SOS1: variants seen among roughly 807,000 people sequenced by gnomAD.
The protein encoded by SOS1 is son of sevenless homolog 1.
In SOS1, 25 loss-of-function variants were observed where a neutral mutation model predicts 157.6. The ratio of observed to expected loss-of-function variants is 0.16; its 90% CI spans 0.12 to 0.22. The LOEUF (loss-of-function observed/expected upper bound fraction) is 0.22. SOS1 is among the 10% of genes least tolerant of loss of function. The pLI is 1.00. For synonymous variants in SOS1, 528 were observed against 534.0 expected, an observed-to-expected ratio of 0.99 and a Z score of 0.16; for missense variants, 1,237 against 1,599.1, an observed-to-expected ratio of 0.77 and a Z score of 3.86.
upstream of SOS1, among the ~76,000 whole-genome samples, chr2:39,122,766 G>C (rs1210861805): frequency 6.6e-6 from 1 of 151,762 alleles, no homozygotes; most frequent in Non-Finnish European, 1.5e-5. Context: ...GGCTGGTCTC[G>C]AACTCCTGAC....
intron 1 of SOS1, among the ~76,000 whole-genome samples, chr2:39,083,309 C>A (rs561642731): frequency 6.6e-6 from 1 of 152,026 alleles, no homozygotes; most frequent in South Asian, 2.1e-4. Context: ...GCACCTACAT[C>A]CAAGCAGCAA....
At chr2:39,098,844 GTGCC>G (rs1672865358) in intron 1 of SOS1, among the ~76,000 whole-genome samples, 1 of 152,100 alleles carries the variant, frequency 6.6e-6, no homozygotes, top group Non-Finnish European at 1.5e-5. Flanking sequence ...AGCCAAGATT[GTGCC>G]ACTGCACTCC....
chr2:39,120,045 C>A (rs1673806145), intron 1 of SOS1, among the ~76,000 whole-genome samples: 1 of 152,328 alleles, frequency 6.6e-6, no homozygotes. Flanking sequence ...AAAACTGAGG[C>A]TCCTCCAACT....
intron 1 of SOS1, among the ~76,000 whole-genome samples, chr2:39,098,914 A>G (rs1465742585): frequency 6.6e-6 from 1 of 152,172 alleles, no homozygotes; most frequent in Admixed American, 6.5e-5. Context: ...TTACAACTCA[A>G]CAGTAAAAAG....
chr2:39,091,905 C>T (rs1353717427), intron 1 of SOS1, among the ~76,000 whole-genome samples: 2 of 152,202 alleles, frequency 1.3e-5, no homozygotes, highest in Non-Finnish European at 2.9e-5. Flanking sequence ...ATGGACACAA[C>T]ATAGCCCAAT....
rs182092121 is a variant in SOS1 at position 39,069,596 on chromosome 2, G to A, written c.88-1843C>T. Among the ~76,000 whole-genome samples, 243 of 152,166 alleles carry A rather than the reference G, an allele frequency of 1.6e-3. 2 individuals carry two copies. Among genetic ancestry groups the A allele is most frequent in the African/African-American group, 5.3e-3 (221 of 41,526 alleles). On this transcript the variant is annotated intron_variant, in intron 1 of 22. Coordinates refer to ENST00000402219, the MANE Select transcript of SOS1 (RefSeq NM_005633.4). ...AGGGTCTCACCCTGTCACCCAGGCT[G>A]GAGTGCAGTGGTGTGATCTCGGCTC...
chr2:39,091,072 T>C lies in SOS1; in HGVS notation c.88-23319A>G, dbSNP rs143223132. On this transcript the variant is annotated intron_variant, in intron 1 of 22. Transcript: ENST00000402219. Reference sequence around the variant, plus strand: ...TTAGTAGAGACGGGGTTTCACCATATTGGTCAGGCTGGTCTCAAACCCCTG... The same window carrying C: ...TTAGTAGAGACGGGGTTTCACCATACTGGTCAGGCTGGTCTCAAACCCCTG... Among the ~76,000 whole-genome samples, 548 of 152,292 alleles carry C rather than the reference T, an allele frequency of 3.6e-3. 5 individuals carry two copies. The highest frequency in any genetic ancestry group is 0.012 in the African/African-American group (515 of 41,560).
chr2:39,058,319 C>T (rs1016027390), intron 3 of SOS1, among the ~76,000 whole-genome samples: 1 of 151,952 alleles, frequency 6.6e-6, no homozygotes, highest in African/African-American at 2.4e-5. Flanking sequence ...AAAGTACTAA[C>T]ATCAAAAGGA....
chr2:39,091,885 G>T (rs1283848805), intron 1 of SOS1, among the ~76,000 whole-genome samples: 1 of 152,070 alleles, frequency 6.6e-6, no homozygotes, highest in East Asian at 1.9e-4. Flanking sequence ...TCTCCTAATG[G>T]TTTACTCCAA....
chr2:39,041,446 T>C (rs1052536089), intron 6 of SOS1, among the ~76,000 whole-genome samples: 6 of 152,234 alleles, frequency 3.9e-5, no homozygotes, highest in African/African-American at 1.4e-4. Flanking sequence ...TTATCAGAAA[T>C]ATCATTTGCA....
At chr2:39,033,161 C>A (rs1189192859) in intron 8 of SOS1, among the ~76,000 whole-genome samples, 1 of 148,286 alleles carries the variant, frequency 6.7e-6, no homozygotes, top group African/African-American at 2.5e-5. Context: ...ACCTTCGCCT[C>A]CCAGGTTCAG....
intron 22 of SOS1, 31 bp from the exon 23 acceptor site, chr2:38,986,346 T>C: frequency 6.4e-7 from 1 of 1,568,490 alleles, no homozygotes; most frequent in African/African-American, 1.4e-5. Flanking sequence ...AATACACATT[T>C]ATTAATAAAT....
chr2:39,030,855 G>T (rs1670136209), intron 8 of SOS1, among the ~76,000 whole-genome samples: 1 of 152,122 alleles, frequency 6.6e-6, no homozygotes, highest in East Asian at 1.9e-4. Context: ...TGGTGTCTTT[G>T]TAAGAGAAAG....
At chr2:39,086,059 T>A (rs1161141910) in intron 1 of SOS1, among the ~76,000 whole-genome samples, 1 of 152,236 alleles carries the variant, frequency 6.6e-6, no homozygotes, top group African/African-American at 2.4e-5. Context: ...TCTGGTAATA[T>A]TACATACCAA....
rs367967653 is a variant in SOS1, at chr2:38,988,187, C to CT, written c.3392-597dup. Among the ~76,000 whole-genome samples, 327 of 152,252 alleles carry CT rather than the reference C, an allele frequency of 2.1e-3. 1 individual carries two copies. The highest frequency in any genetic ancestry group is 7.5e-3 in the African/African-American group (310 of 41,550). ...TAAGCAAAAAGAGGCTCATTATACT[C>CT]TAAATCCAAAAATTTTAACGGTGAT... On this transcript the variant is annotated intron_variant, in intron 21 of 22. Transcript: ENST00000402219.
intron 10 of SOS1, among the ~76,000 whole-genome samples, chr2:39,020,291 A>G (rs1669758122): frequency 6.6e-6 from 1 of 151,726 alleles, no homozygotes; most frequent in Non-Finnish European, 1.5e-5. Context: ...GTGAAGTCTG[A>G]ATAAAGTAAG....
intron 4 of SOS1, among the ~76,000 whole-genome samples, chr2:39,055,374 GCTTT>G (rs560041030): frequency 7.5e-4 from 114 of 152,054 alleles, no homozygotes; most frequent in African/African-American, 2.3e-3. Context: ...TATCTTGTGT[GCTTT>G]CTGATTGTTT....
At chr2:39,059,413 A>G (rs941580440) in intron 2 of SOS1, among the ~76,000 whole-genome samples, 1 of 152,206 alleles carries the variant, frequency 6.6e-6, no homozygotes, top group African/African-American at 2.4e-5. Context: ...ATTTCCACTG[A>G]GAGTGAAAGA....
chr2:39,106,834 G>A (rs576506518), intron 1 of SOS1, among the ~76,000 whole-genome samples: 3 of 152,264 alleles, frequency 2.0e-5, no homozygotes, highest in African/African-American at 4.8e-5. Context: ...GACTATTCAC[G>A]AACTTACTGC....
Sources: gnomAD v4.1 joint callset for allele counts (sites outside exome capture counted in the v4.1 genomes callset) on GRCh38, gnomAD v4.1.1 for gene constraint, MANE v1.5 for transcripts, NCBI Gene and HGNC (gene_info 2026-07-23, HGNC 2026-07-21) for gene names.